The following BARX2 variants were observed in gnomAD, a reference collection of about 807,000 sequenced individuals.
The protein encoded by BARX2 is homeobox protein BarH-like 2.
In BARX2, 11 loss-of-function variants were observed where a neutral mutation model predicts 25.5. The observed-to-expected ratio is 0.43, with a 90% CI of 0.27 to 0.71. BARX2 has a LOEUF of 0.71. Ranked by LOEUF, BARX2 falls within the 30% of genes least tolerant of loss-of-function variation. BARX2 has a pLI of 0.19. For missense variants in BARX2, 360 were observed against 359.9 expected, an observed-to-expected ratio of 1.00 and a Z score of 0.00; for synonymous variants, 137 against 149.5, an observed-to-expected ratio of 0.92 and a Z score of 0.61.
chr11:129,438,131 T>C lies in BARX2; in HGVS notation c.488+1080T>C, dbSNP rs1172565008. The C allele has an allele frequency of 2.6e-5, 4 of 151,890 alleles. No homozygotes were observed. The East Asian group carries it at 7.7e-4, about 29-fold the overall frequency. 9.4% of individuals were successfully genotyped at this position (151,890 alleles called of 1,614,324 possible). Reference sequence around the variant, plus strand: ...CGAGGTCAGGAGTTCAGGACCAGCCTGGCCAAGATGGTGAAACCGCGTCTC... The same window carrying C: ...CGAGGTCAGGAGTTCAGGACCAGCCCGGCCAAGATGGTGAAACCGCGTCTC... On this transcript the variant is annotated intron_variant, in intron 2 of 3. Coordinates refer to ENST00000281437, the MANE Select transcript of BARX2 (RefSeq NM_003658.5).
chr11:129,436,821 G>A lies in BARX2; in HGVS notation c.258G>A (p.Leu86=), dbSNP rs1256791555. The A allele has an allele frequency of 6.2e-7, 1 of 1,613,668 alleles. No homozygotes were observed. The highest frequency in any genetic ancestry group is 8.5e-7 in the Non-Finnish European group (1 of 1,179,880). ...ITRQPTVISH[L]VPATPGIAQA... ...GCCAGCCCACTGTCATCTCCCACCT[G>A]GTCCCTGCCACCCCGGGAATCGCCC... Residue 86 remains leucine (L), a synonymous_variant, in exon 2 of 4, where the codon CTG becomes CTA. Coordinates refer to ENST00000281437, the MANE Select transcript of BARX2 (RefSeq NM_003658.5). This position sits in a 1 kb window ranked among gnomAD's most constrained non-coding sequence, Gnocchi z 4.5.
chr11:129,382,839 C>G (rs1861581862), intron 1 of BARX2, among the ~76,000 whole-genome samples: 1 of 152,060 alleles, frequency 6.6e-6, no homozygotes, highest in Admixed American at 6.5e-5. Flanking sequence ...GGCAAAAGAC[C>G]ACTGTGCTGC....
chr11:129,407,859 G>A (rs1442715663), intron 1 of BARX2, among the ~76,000 whole-genome samples: 2 of 151,950 alleles, frequency 1.3e-5, no homozygotes, highest in African/African-American at 2.4e-5. Flanking sequence ...GGAGGAGGGT[G>A]TGGATGGGGT....
At chr11:129,402,966 G>C (rs1861793024) in intron 1 of BARX2, among the ~76,000 whole-genome samples, 1 of 152,218 alleles carries the variant, frequency 6.6e-6, no homozygotes, top group African/African-American at 2.4e-5. Flanking sequence ...AGTGAAGAAG[G>C]TATTCAGATG....
intron 2 of BARX2, among the ~76,000 whole-genome samples, chr11:129,439,784 AT>A (rs1343084301): frequency 6.6e-6 from 1 of 152,150 alleles, no homozygotes; most frequent in Non-Finnish European, 1.5e-5. Context: ...CTAGCATATA[AT>A]TGAGAGCCTC....
At chr11:129,448,881 C>T (rs563702984) in intron 3 of BARX2, among the ~76,000 whole-genome samples, 20 of 152,266 alleles carry the variant, frequency 1.3e-4, no homozygotes, top group South Asian at 4.1e-4. Flanking sequence ...ATAAATGCTA[C>T]GGCATGGATA....
intron 1 of BARX2, among the ~76,000 whole-genome samples, chr11:129,394,669 A>AATATTAAAT (rs1437589999): frequency 6.6e-6 from 1 of 152,086 alleles, no homozygotes; most frequent in Non-Finnish European, 1.5e-5. Context: ...TGAATTTTAA[A>AATATTAAAT]ATATTAAATA....
chr11:129,422,604 A>G (rs1321031581), intron 1 of BARX2, among the ~76,000 whole-genome samples: 1 of 149,804 alleles, frequency 6.7e-6, no homozygotes, highest in Non-Finnish European at 1.5e-5. Context: ...CAGCCAGGAC[A>G]TGGTCTTCTC....
At chr11:129,443,966 G>A (rs1219690054) in intron 3 of BARX2, among the ~76,000 whole-genome samples, 2 of 152,024 alleles carry the variant, frequency 1.3e-5, no homozygotes, top group African/African-American at 2.4e-5. Context: ...TTCTCCTCTC[G>A]TCCATGCCAT....
chr11:129,422,510 G>C (rs1862015927), intron 1 of BARX2, among the ~76,000 whole-genome samples: 1 of 152,020 alleles, frequency 6.6e-6, no homozygotes, highest in African/African-American at 2.4e-5. Flanking sequence ...TGTCGCCTAG[G>C]TTGATCTCGA....
intron 1 of BARX2, among the ~76,000 whole-genome samples, chr11:129,397,574 C>G (rs1407107161): frequency 6.6e-6 from 1 of 152,206 alleles, no homozygotes; most frequent in Non-Finnish European, 1.5e-5. Context: ...CTTATCGTTT[C>G]AACTAGAGTT....
chr11:129,426,466 G>A (rs187715626), intron 1 of BARX2, among the ~76,000 whole-genome samples: 9 of 151,712 alleles, frequency 5.9e-5, no homozygotes, highest in South Asian at 4.2e-4. Flanking sequence ...TCCATCTATC[G>A]AGTTAAAGCA....
At chr11:129,441,379 T>C (rs532769687) in intron 2 of BARX2, among the ~76,000 whole-genome samples, 2 of 152,344 alleles carry the variant, frequency 1.3e-5, no homozygotes, top group East Asian at 3.9e-4. Context: ...GTAAATACTT[T>C]ACATTTTGTG....
At chr11:129,449,411 A>C (rs937101634) in intron 3 of BARX2, among the ~76,000 whole-genome samples, 8 of 139,640 alleles carry the variant, frequency 5.7e-5, no homozygotes, top group African/African-American at 2.2e-4. Flanking sequence ...AATATAGAAG[A>C]CAAGAAGATT....
rs79234239 is a variant in BARX2, at chr11:129,379,606, C to T, written c.187+3384C>T. Among the ~76,000 whole-genome samples the T allele has an allele frequency of 4.6e-3, 702 of 152,040 alleles. 11 individuals carry two copies. Among genetic ancestry groups the T allele is most frequent in the Non-Finnish European group, 3.5e-3 (236 of 67,994 alleles). On this transcript the variant is annotated intron_variant, in intron 1 of 3. Coordinates refer to ENST00000281437, the MANE Select transcript of BARX2 (RefSeq NM_003658.5). ...GGGGTAGAATAGTTTGTGGAAGCATCGGCGTGGTCATTTTTGAAGCCTCTG... is the reference window on the plus strand; with the variant it reads ...GGGGTAGAATAGTTTGTGGAAGCATTGGCGTGGTCATTTTTGAAGCCTCTG...
chr11:129,405,669 C>T (rs574064600), intron 1 of BARX2, among the ~76,000 whole-genome samples: 11 of 152,150 alleles, frequency 7.2e-5, no homozygotes, highest in African/African-American at 2.2e-4. Flanking sequence ...TTTAGGCTCT[C>T]GGGAGAACAT....
chr11:129,432,351 C>T (rs1410091807), intron 1 of BARX2, among the ~76,000 whole-genome samples: 1 of 152,208 alleles, frequency 6.6e-6, no homozygotes, highest in Non-Finnish European at 1.5e-5. Context: ...TGTGAGCCAC[C>T]ACACCCAGCC....
chr11:129,397,154 T>C (rs1210705267), intron 1 of BARX2, among the ~76,000 whole-genome samples: 2 of 151,934 alleles, frequency 1.3e-5, no homozygotes, highest in Non-Finnish European at 2.9e-5. Context: ...CGTGGTGGTA[T>C]GTGCCTGTAG....
chr11:129,397,386 T>C (rs1373415102), intron 1 of BARX2, among the ~76,000 whole-genome samples: 4 of 152,222 alleles, frequency 2.6e-5, no homozygotes. Flanking sequence ...TTGCCTCTTT[T>C]TGTGCACAGG....
Sources: gnomAD v4.1 joint callset for allele counts (sites outside exome capture counted in the v4.1 genomes callset) on GRCh38, gnomAD v4.1.1 for gene constraint, Gnocchi (gnomAD v3.1) non-coding constraint, MANE v1.5 for transcripts, NCBI Gene and HGNC (gene_info 2026-07-23, HGNC 2026-07-21) for gene names.